Variants in MED13L observed in about 807,000 individuals in gnomAD.
The protein encoded by MED13L is mediator of RNA polymerase II transcription subunit 13-like.
In MED13L, 7 loss-of-function variants were observed where a neutral mutation model predicts 220.9. That is an observed-to-expected ratio of 0.03 (90% CI 0.02 to 0.06). MED13L has a LOEUF of 0.06. Among genes scored for constraint, MED13L ranks in the 10% least tolerant of loss-of-function variants. MED13L has a pLI of 1.00. For synonymous variants in MED13L, 1,011 were observed against 1,015.2 expected (o/e 1.00, Z 0.08); for missense variants, 1,965 against 2,760.5 (o/e 0.71, Z 6.46).
intron 2 of MED13L, among the ~76,000 whole-genome samples, chr12:116,232,496 T>G (rs1402013065): frequency 6.6e-6 from 1 of 152,236 alleles, no homozygotes; most frequent in Non-Finnish European, 1.5e-5. Flanking sequence ...CCTCGCATTA[T>G]CAAATCATTA....
chr12:116,102,710 CTTTTTTTT>C (rs869201518), intron 3 of MED13L, among the ~76,000 whole-genome samples: 1,940 of 68,334 alleles, frequency 0.028, 13 homozygotes, highest in African/African-American at 0.11. Context: ...TTTCTTTTTT[CTTTTTTTT>C]TTTTTTTTTT....
chr12:116,236,894 G>A (rs1022986111), intron 2 of MED13L: 1 of 983,752 alleles, frequency 1.0e-6, no homozygotes, highest in South Asian at 4.7e-5. Context: ...ATGTTTCCTG[G>A]AATCACCAAA....
intron 1 of MED13L, chr12:116,276,352 G>GTGTGT: frequency 1.1e-5 from 8 of 727,284 alleles, no homozygotes; most frequent in South Asian, 1.6e-5. Context: ...GTGTGTGTGT[G>GTGTGT]CGGATTCGTT....
chr12:116,036,159 T>C (rs1881182572), intron 4 of MED13L, among the ~76,000 whole-genome samples: 1 of 152,200 alleles, frequency 6.6e-6, no homozygotes, highest in African/African-American at 2.4e-5. Flanking sequence ...ACCAGATAGA[T>C]GAATGCAGTT....
intron 2 of MED13L, among the ~76,000 whole-genome samples, chr12:116,168,162 A>C (rs1879417995): frequency 1.3e-5 from 2 of 152,140 alleles, no homozygotes; most frequent in Admixed American, 1.3e-4. Context: ...GAGTCACATG[A>C]ATATACCTTT....
intron 2 of MED13L, among the ~76,000 whole-genome samples, chr12:116,132,577 T>C (rs1304164361): frequency 9.9e-5 from 15 of 152,092 alleles, no homozygotes; most frequent in Admixed American, 3.3e-4. Flanking sequence ...CTTTTTTTTT[T>C]CCCTTGCAAT....
At chr12:116,007,327 T>G in intron 11 of MED13L, 84 bp downstream of exon 11, 3 of 1,275,740 alleles carry the variant, frequency 2.4e-6, no homozygotes, top group Non-Finnish European at 3.4e-6. Context: ...TCAAACGTTC[T>G]GCCTCCAAAG....
chr12:116,205,158 TAAAGAG>T (rs1415879888), intron 2 of MED13L, among the ~76,000 whole-genome samples: 2 of 152,138 alleles, frequency 1.3e-5, no homozygotes, highest in East Asian at 1.9e-4. Flanking sequence ...CGGTGCCTAT[TAAAGAG>T]AAAGAGAAGT....
intron 2 of MED13L, 103 bp downstream of exon 2, chr12:116,237,365 T>C: frequency 1.1e-6 from 1 of 949,130 alleles, no homozygotes; most frequent in Non-Finnish European, 1.7e-6. Context: ...ATGAAACACT[T>C]AAGATCGTTC....
chr12:116,226,533 T>G (rs1422931949), intron 2 of MED13L, among the ~76,000 whole-genome samples: 1 of 152,192 alleles, frequency 6.6e-6, no homozygotes, highest in Non-Finnish European at 1.5e-5. Flanking sequence ...AGTCATGAAA[T>G]GCTTAAAGCA....
chr12:116,095,237 T>C (rs1035859732), intron 4 of MED13L, among the ~76,000 whole-genome samples: 3 of 152,138 alleles, frequency 2.0e-5, no homozygotes, highest in African/African-American at 7.2e-5. Context: ...TCTATACATA[T>C]ATATTTATAA....
chr12:115,993,191 C>G (rs1372768742), intron 16 of MED13L, among the ~76,000 whole-genome samples: 1 of 152,098 alleles, frequency 6.6e-6, no homozygotes, highest in Non-Finnish European at 1.5e-5. Context: ...ATTTTGGTAT[C>G]CGAGGGGGTC....
chr12:116,112,915 A>T (rs1041391287), intron 2 of MED13L, among the ~76,000 whole-genome samples: 2 of 152,176 alleles, frequency 1.3e-5, no homozygotes, highest in Non-Finnish European at 2.9e-5. Context: ...CTAAGGCACC[A>T]TCAAGTTTGA....
Position 116,091,237 on chromosome 12 carries a change from T to C in MED13L, c.479+5432A>G, listed in dbSNP as rs777091201. ...AGGTATTTTCAATCCTTCTTGAAAA[T>C]AGCACATATTTAAATATATTTTACT... is the stretch of plus-strand genomic sequence containing the variant. On this transcript the variant is annotated intron_variant, in intron 4 of 30. Transcript: ENST00000281928. 7.5e-4 allele frequency among the ~76,000 whole-genome samples: 114 copies of C among 151,174 alleles called. 1 individual carries two copies. Among genetic ancestry groups the C allele is most frequent in the Middle Eastern group, 3.4e-3 (1 of 294 alleles).
intron 7 of MED13L, among the ~76,000 whole-genome samples, chr12:116,017,192 G>C (rs758998410): frequency 1.1e-4 from 16 of 152,112 alleles, no homozygotes; most frequent in Non-Finnish European, 1.9e-4. Flanking sequence ...GAGTTAAAGG[G>C]GAAGGAATTT....
At chr12:116,246,696 A>T (rs563610966) in intron 1 of MED13L, among the ~76,000 whole-genome samples, 6 of 135,888 alleles carry the variant, frequency 4.4e-5, no homozygotes, top group Admixed American at 1.5e-4. Flanking sequence ...ATGTAGTCCC[A>T]GCTACTCAGG....
intron 2 of MED13L, among the ~76,000 whole-genome samples, chr12:116,213,762 T>TA (rs1882844237): frequency 6.6e-6 from 1 of 152,212 alleles, no homozygotes; most frequent in South Asian, 2.1e-4. Flanking sequence ...CCCAAATTCC[T>TA]ATCTGAGGCT....
At chr12:116,152,948 GA>G (rs1006780052) in intron 2 of MED13L, among the ~76,000 whole-genome samples, 91 of 144,292 alleles carry the variant, frequency 6.3e-4, no homozygotes, top group Admixed American at 6.9e-4. Context: ...AAAAGAGCAG[GA>G]AAAAAAAAAA....
At chr12:116,092,253 C>T (rs943460318) in intron 4 of MED13L, among the ~76,000 whole-genome samples, 5 of 152,154 alleles carry the variant, frequency 3.3e-5, no homozygotes, top group Admixed American at 6.6e-5. Context: ...CTTGCTTTAC[C>T]GTTCACACTT....
Sources: gnomAD v4.1 joint callset for allele counts (sites outside exome capture counted in the v4.1 genomes callset) on GRCh38, gnomAD v4.1.1 for gene constraint, MANE v1.5 for transcripts, NCBI Gene and HGNC (gene_info 2026-07-23, HGNC 2026-07-21) for gene names.